The following IRF8 variants were observed in gnomAD, a reference collection of about 807,000 sequenced individuals.
IRF8 encodes interferon consensus sequence binding protein 1.
In IRF8, 14 loss-of-function variants were observed where a neutral mutation model predicts 48.7. The ratio of observed to expected loss-of-function variants is 0.29; its 90% CI spans 0.19 to 0.45. The LOEUF (loss-of-function observed/expected upper bound fraction) is 0.45. Ranked by LOEUF, IRF8 falls within the 20% of genes least tolerant of loss-of-function variation. The pLI, the probability that IRF8 is intolerant of heterozygous loss-of-function variation, is 1.00. For missense variants in IRF8, 493 were observed against 580.7 expected, an observed-to-expected ratio of 0.85 and a Z score of 1.55; for synonymous variants, 278 against 227.3, an observed-to-expected ratio of 1.22 and a Z score of -2.01.
chr16:85,921,323 C>G lies in IRF8; in HGVS notation c.*41C>G. On this transcript the variant is annotated 3_prime_UTR_variant, in exon 9 of 9. Coordinates refer to ENST00000268638, the MANE Select transcript of IRF8 (RefSeq NM_002163.4). The stretch of plus-strand genomic sequence containing the variant: ...GCCCCACCCCGTCTGCGTCCTGCAT[C>G]CATCTCCCTGTTACAGTGGCCCGCA... The G allele has an allele frequency of 1.3e-6, 2 of 1,594,640 alleles. No homozygotes were observed. Among genetic ancestry groups the G allele is most frequent in the Non-Finnish European group, 1.7e-6 (2 of 1,166,642 alleles).
chr16:85,920,029 G>C (rs1303872324), intron 7 of IRF8, 80 bp from the exon 8 acceptor site: 4 of 1,041,910 alleles, frequency 3.8e-6, no homozygotes, highest in Non-Finnish European at 5.9e-6. Context: ...TGGGCCTCCT[G>C]ATCCCCCAGC....
chr16:85,912,148 C>T (rs1475642950), intron 4 of IRF8, among the ~76,000 whole-genome samples: 5 of 152,230 alleles, frequency 3.3e-5, no homozygotes, highest in African/African-American at 1.2e-4. Context: ...GATTGGAAAG[C>T]TGGATAACCA....
At chr16:85,904,942 G>A (rs760328488) in intron 2 of IRF8, among the ~76,000 whole-genome samples, 3 of 150,374 alleles carry the variant, frequency 2.0e-5, no homozygotes, top group South Asian at 2.1e-4. Context: ...CCCAAAAGCC[G>A]GAATTTCTCT....
intron 6 of IRF8, among the ~76,000 whole-genome samples, chr16:85,915,685 G>A (rs947604982): frequency 1.3e-5 from 2 of 152,334 alleles, no homozygotes; most frequent in African/African-American, 2.4e-5. Context: ...TGGGAGGCCT[G>A]GGTCATGAGG....
chr16:85,899,389 C>G (rs1439866293), intron 1 of IRF8, among the ~76,000 whole-genome samples, 166 bp downstream of exon 1: 1 of 152,256 alleles, frequency 6.6e-6, no homozygotes, highest in South Asian at 2.1e-4. Flanking sequence ...TTTCCAGCCA[C>G]CTAAGTCCAA....
At chr16:85,913,303 A>C (rs1387502346) in intron 5 of IRF8, 67 bp downstream of exon 5, 2 of 1,138,842 alleles carry the variant, frequency 1.8e-6, no homozygotes, top group Non-Finnish European at 2.7e-6. Context: ...TCCACCAGCC[A>C]GGGACGGAGT....
chr16:85,906,888 C>G (rs1192684720), intron 2 of IRF8, among the ~76,000 whole-genome samples: 2 of 152,114 alleles, frequency 1.3e-5, no homozygotes, highest in Non-Finnish European at 2.9e-5. Flanking sequence ...CAGGACCACC[C>G]CGCCACAAAG....
At position 85,908,809 on chromosome 16, in the gene IRF8, C is replaced by G. The variant is rs145554042; in HGVS notation, c.175-181C>G. The stretch of plus-strand genomic sequence containing the variant: ...GCTTGGGTCTTTCCACATCTGGTCC[C>G]CAGATGTGAAAAGACTCAAGACATC... On this transcript the variant is annotated intron_variant, in intron 2 of 8. Transcript: ENST00000268638. Among the ~76,000 whole-genome samples the G allele has an allele frequency of 1.9e-4, 29 of 152,224 alleles. No individual in the cohort carries two copies. In the East Asian group the frequency reaches 5.6e-3, roughly 29 times the overall value.
rs1338775218 is a variant in IRF8, at chr16:85,909,009, G to T, written c.194G>T (p.Gly65Val). The T allele has an allele frequency of 6.2e-7, 1 of 1,613,996 alleles. No homozygotes were observed. The highest frequency in any genetic ancestry group is 8.5e-7 in the Non-Finnish European group (1 of 1,180,006). Residue 65 changes from glycine to valine, a missense_variant, in exon 3 of 9, where the codon GGG becomes GTG. Physicochemically the swap from Gly to Val is moderately radical, Grantham distance 109. Around this residue, in one of 3 missense-constraint regions of IRF8, gnomAD observed 31 missense variants for 71.2 expected, o/e 0.44. Transcript: ENST00000268638. The part of the protein sequence containing the change: ...SIFKAWAVFK[G>V]KFKEGDKAEP... ...CTTCAGGCCTGGGCAGTTTTTAAAG[G>T]GAAGTTTAAAGAAGGGGACAAAGCT...
intron 2 of IRF8, among the ~76,000 whole-genome samples, chr16:85,906,791 CT>C (rs1381877938): frequency 6.6e-6 from 1 of 151,936 alleles, no homozygotes; most frequent in Non-Finnish European, 1.5e-5. Flanking sequence ...GTTTGGAGAC[CT>C]TTTTTGGTTG....
At chr16:85,907,193 A>G (rs1905030942) in intron 2 of IRF8, among the ~76,000 whole-genome samples, 1 of 152,236 alleles carries the variant, frequency 6.6e-6, no homozygotes, top group Non-Finnish European at 1.5e-5. Flanking sequence ...TCTTTACCCC[A>G]GGTAGAGGTG....
At chr16:85,899,634 C>T (rs902072888) in intron 1 of IRF8, among the ~76,000 whole-genome samples, 1 of 152,134 alleles carries the variant, frequency 6.6e-6, no homozygotes, top group Non-Finnish European at 1.5e-5. Flanking sequence ...TGCCCAATAA[C>T]CAGTCGTTAC....
intron 5 of IRF8, 78 bp downstream of exon 5, chr16:85,913,314 G>A (rs911717301): frequency 2.0e-6 from 2 of 1,022,030 alleles, no homozygotes; most frequent in Non-Finnish European, 1.5e-6. Context: ...GGGACGGAGT[G>A]GGGGTGGTTG....
chr16:85,909,247 CTGGGG>C, intron 3 of IRF8, 74 bp downstream of exon 3: 1 of 1,232,330 alleles, frequency 8.1e-7, no homozygotes, highest in Non-Finnish European at 1.2e-6. Flanking sequence ...GAACTTGGGT[CTGGGG>C]TAGACACAGG....
At chr16:85,907,747 C>A (rs1206928770) in intron 2 of IRF8, among the ~76,000 whole-genome samples, 4 of 152,208 alleles carry the variant, frequency 2.6e-5, no homozygotes. Flanking sequence ...CCCAACCTCC[C>A]TTCCCCAGTG....
rs773129098 is a variant in IRF8 at position 85,918,812 on chromosome 16, C to T, written c.988+9C>T. On this transcript the variant is annotated intron_variant, in intron 7 of 8. Transcript: ENST00000268638. ...CAGCCAGTTCTTCCGAGGTCTGTAC[C>T]GTCGTCACCTTGCTGCCCCCACATC... 14 of 1,605,950 alleles carry T rather than the reference C, an allele frequency of 8.7e-6. No homozygotes were observed. The highest frequency in any genetic ancestry group is 5.0e-5 in the Admixed American group (3 of 60,032).
chr16:85,902,450 C>G (rs1904854239), intron 1 of IRF8, among the ~76,000 whole-genome samples: 1 of 152,200 alleles, frequency 6.6e-6, no homozygotes, highest in African/African-American at 2.4e-5. Flanking sequence ...GATCGCGGTT[C>G]TGTCTCATTC....
In IRF8 at chr16:85,899,219, G is replaced by A. The variant is rs1567873742; in HGVS notation, c.-6G>A. 1 of 152,252 alleles carries A rather than the reference G, an allele frequency of 6.6e-6. No individual in the cohort carries two copies. Among genetic ancestry groups the A allele is most frequent in the African/African-American group, 2.4e-5 (1 of 41,468 alleles). The allele number at this position is 152,252 out of a possible 1,614,324, so 9.4% of individuals were successfully genotyped here. On this transcript the variant is annotated 5_prime_UTR_variant, in exon 1 of 9. Transcript: ENST00000268638. ...GGCGGCGAGACGGCGGCAGGACGGCGGCAGGTAGGCACAGTGGGCGGGTAG... is the reference window on the plus strand; with the variant it reads ...GGCGGCGAGACGGCGGCAGGACGGCAGCAGGTAGGCACAGTGGGCGGGTAG...
intron 5 of IRF8, 96 bp downstream of exon 5, chr16:85,913,332 C>G (rs1170666574): frequency 7.0e-6 from 6 of 862,568 alleles, no homozygotes; most frequent in Non-Finnish European, 3.9e-6. Context: ...TTGTTGCTAT[C>G]ATGATCCATG....
Sources: allele counts gnomAD v4.1 joint callset (sites outside exome capture counted in the v4.1 genomes callset), GRCh38; gene constraint gnomAD v4.1.1; regional missense constraint gnomAD v4.1.1; transcripts MANE v1.5; gene names NCBI Gene and HGNC (gene_info 2026-07-23, HGNC 2026-07-21).